The following PAN3 variants were observed in gnomAD, a reference collection of about 807,000 sequenced individuals.
PAN3 encodes the protein PAN2-PAN3 deadenylation complex subunit PAN3.
Under a neutral mutation model 96.2 loss-of-function variants are expected in PAN3, and 19 were observed. The observed-to-expected ratio is 0.20, with a 90% CI of 0.14 to 0.29. The LOEUF (loss-of-function observed/expected upper bound fraction) is 0.29, where lower values mean the gene tolerates loss of function less well. PAN3 is among the 10% of genes least tolerant of loss of function. The pLI, the probability that PAN3 is intolerant of heterozygous loss-of-function variation, is 1.00. For synonymous variants in PAN3, 433 were observed against 406.6 expected (o/e 1.06, Z -0.78); for missense variants, 882 against 1,108.1 (o/e 0.80, Z 2.90).
At chr13:28,177,614 TATTTG>T (rs1418697923) in intron 3 of PAN3, among the ~76,000 whole-genome samples, 1 of 152,206 alleles carries the variant, frequency 6.6e-6, no homozygotes, top group African/African-American at 2.4e-5. Flanking sequence ...TTTTTTCTCT[TATTTG>T]ATTTTTCTTT....
intron 5 of PAN3, among the ~76,000 whole-genome samples, chr13:28,201,685 C>T (rs1438734833): frequency 3.9e-5 from 6 of 152,112 alleles, no homozygotes; most frequent in African/African-American, 1.2e-4. Context: ...TAGGCATAAA[C>T]GACCACAACT....
chr13:28,232,127 C>T lies in PAN3; in HGVS notation c.1000+11749C>T, dbSNP rs1882635804. 3.3e-5 allele frequency among the ~76,000 whole-genome samples: 5 copies of T among 152,076 alleles called. 1 individual carries two copies. The South Asian group carries it at 1.0e-3, about 31-fold the overall frequency. Reference sequence around the variant, plus strand: ...CTTCTCAAAAAAATGAAAAAGAATACTTTATTTGTAATATCTTTGTAGTCT... The same window carrying T: ...CTTCTCAAAAAAATGAAAAAGAATATTTTATTTGTAATATCTTTGTAGTCT... On this transcript the variant is annotated intron_variant, in intron 6 of 18. Transcript: ENST00000380958.
chr13:28,250,201 C>CTT (rs532825277), intron 6 of PAN3, among the ~76,000 whole-genome samples: 2,518 of 142,998 alleles, frequency 0.018, 74 homozygotes, highest in African/African-American at 0.061. Flanking sequence ...GCTCAGAACT[C>CTT]TTTTTTTTTT....
At chr13:28,166,267 A>G (rs1873525772) in intron 1 of PAN3, among the ~76,000 whole-genome samples, 1 of 152,184 alleles carries the variant, frequency 6.6e-6, no homozygotes, top group Non-Finnish European at 1.5e-5. Flanking sequence ...AGATACTTCC[A>G]TTCAGAAAGG....
chr13:28,266,606 C>G (rs1341190264), intron 9 of PAN3, 109 bp from the exon 10 acceptor site: 3 of 796,980 alleles, frequency 3.8e-6, no homozygotes, highest in Non-Finnish European at 5.5e-6. Flanking sequence ...AATACAAGAG[C>G]ACATTGTGAT....
chr13:28,277,024 T>C (rs2138700710), intron 14 of PAN3, among the ~76,000 whole-genome samples: 1 of 152,240 alleles, frequency 6.6e-6, no homozygotes, highest in Admixed American at 6.5e-5. Context: ...TGTTGAGCCA[T>C]TTTCTGGACC....
At chr13:28,217,601 A>C (rs944989819) in intron 5 of PAN3, among the ~76,000 whole-genome samples, 3 of 145,320 alleles carry the variant, frequency 2.1e-5, no homozygotes, top group Non-Finnish European at 3.0e-5. Context: ...AAAAAAACAA[A>C]AAAAAAATTG....
At chr13:28,176,080 A>G (rs961971138) in intron 2 of PAN3, among the ~76,000 whole-genome samples, 3 of 152,226 alleles carry the variant, frequency 2.0e-5, no homozygotes, top group Admixed American at 6.5e-5. Flanking sequence ...CTAATTTTAT[A>G]AGCTCTATAA....
intron 6 of PAN3, among the ~76,000 whole-genome samples, chr13:28,247,645 G>A (rs1418464634): frequency 6.6e-6 from 1 of 152,110 alleles, no homozygotes; most frequent in African/African-American, 2.4e-5. Flanking sequence ...TCTGCATGTA[G>A]TTATCCAGTT....
chr13:28,169,712 T>A (rs1441799910), intron 1 of PAN3, among the ~76,000 whole-genome samples: 2 of 152,064 alleles, frequency 1.3e-5, no homozygotes, highest in Non-Finnish European at 2.9e-5. Context: ...ACAAGAAAAG[T>A]CAAACGTAAG....
rs1869934225 is a variant in PAN3 at position 28,292,934 on chromosome 13, AGGGTT to A, written c.*414_*418del. On this transcript the variant is annotated 3_prime_UTR_variant, in exon 19 of 19. Coordinates refer to ENST00000380958, the MANE Select transcript of PAN3 (RefSeq NM_175854.8). ...ATGCTGGGCAGCGTTTTTGCCATTG[AGGGTT>A]GCAGAATTTGCTCTTTTTGGGATGG... 1 of 153,554 alleles carries A rather than the reference AGGGTT, an allele frequency of 6.5e-6. No homozygotes were observed. The highest frequency in any genetic ancestry group is 1.5e-5 in the Non-Finnish European group (1 of 68,954). 9.5% of individuals were successfully genotyped at this position (153,554 alleles called of 1,614,324 possible).
intron 1 of PAN3, among the ~76,000 whole-genome samples, chr13:28,148,359 T>C (rs1010556784): frequency 1.2e-4 from 18 of 152,272 alleles, no homozygotes; most frequent in South Asian, 4.1e-4. Context: ...CATAGCTCGC[T>C]GCAGCGTTGA....
Position 28,266,779 on chromosome 13 carries a change from C to A in PAN3, c.1476C>A (p.Asn492Lys). 6.2e-7 allele frequency: 1 copy of A among 1,610,076 alleles called. No homozygotes were observed. Among genetic ancestry groups the A allele is most frequent in the Non-Finnish European group, 8.5e-7 (1 of 1,177,956 alleles). ...CTCTAGAACCACTGCCACCTCCCAA[C>A]CGGATACAGAAATCAAGTAATTTTG... is the stretch of plus-strand genomic sequence containing the variant. ...LFPLEPLPPP[N>K]RIQKSSNFGY... is the part of the protein sequence containing the mutation. The change falls in exon 10 of 19, where the codon AAC becomes AAA. Residue 492 changes from asparagine to lysine, a missense_variant. By Grantham distance (94) the Asn-to-Lys change is moderately conservative. Transcript: ENST00000380958.
intron 1 of PAN3, among the ~76,000 whole-genome samples, chr13:28,145,794 C>G (rs374077109): frequency 7.0e-6 from 1 of 142,970 alleles, no homozygotes; most frequent in Non-Finnish European, 1.5e-5. Flanking sequence ...CAGTTTCCCT[C>G]TGTCACCCAG....
chr13:28,191,343 T>C (rs971532139), intron 4 of PAN3, among the ~76,000 whole-genome samples: 23 of 152,236 alleles, frequency 1.5e-4, no homozygotes, highest in Admixed American at 6.5e-5. Flanking sequence ...CTGTTATTAT[T>C]GCCTCAAGTT....
In PAN3 at chr13:28,294,518, A is replaced by G. The variant is rs537931940; in HGVS notation, c.*1996A>G. On this transcript the variant is annotated 3_prime_UTR_variant, in exon 19 of 19. Transcript: ENST00000380958. Reference sequence around the variant, plus strand: ...CTTTGAAAATGAAAGGGGATCATCTATTTTAGTTTTGGGGTCTGGGAACTT... The same window carrying G: ...CTTTGAAAATGAAAGGGGATCATCTGTTTTAGTTTTGGGGTCTGGGAACTT... 10 of 152,532 alleles carry G rather than the reference A, an allele frequency of 6.6e-5. No individual in the cohort carries two copies. Among genetic ancestry groups the G allele is most frequent in the Admixed American group, 1.3e-4 (2 of 15,274 alleles). The allele number at this position is 152,532 out of a possible 1,614,324, so 9.4% of individuals were successfully genotyped here. A position where few individuals can be genotyped will look rare whatever the true frequency, so the allele number is the denominator to read the frequency against.
At chr13:28,263,167 G>A (rs1009202195) in intron 9 of PAN3, among the ~76,000 whole-genome samples, 2 of 152,210 alleles carry the variant, frequency 1.3e-5, no homozygotes, top group East Asian at 1.9e-4. Context: ...TAGGGAAGGA[G>A]AGGTTTGATT....
chr13:28,239,162 A>ACACACACAC (rs145212573), intron 6 of PAN3, among the ~76,000 whole-genome samples: 3 of 76,792 alleles, frequency 3.9e-5, no homozygotes, highest in African/African-American at 1.0e-4. Flanking sequence ...CACCCCCGCC[A>ACACACACAC]ACACACACAC....
chr13:28,257,737 A>T (rs1268847482), intron 7 of PAN3, among the ~76,000 whole-genome samples: 25 of 110,542 alleles, frequency 2.3e-4, no homozygotes, highest in South Asian at 5.1e-4. Flanking sequence ...ATTATATATA[A>T]ATTATATATA....
Sources: allele counts gnomAD v4.1 joint callset (sites outside exome capture counted in the v4.1 genomes callset), GRCh38; gene constraint gnomAD v4.1.1; transcripts MANE v1.5; gene names NCBI Gene and HGNC (gene_info 2026-07-23, HGNC 2026-07-21).